The following ELL variants were observed in gnomAD, a reference collection of about 807,000 sequenced individuals.
The protein encoded by ELL is RNA polymerase II elongation factor ELL.
In ELL, 18 loss-of-function variants were observed where a neutral mutation model predicts 64.0. The observed-to-expected ratio is 0.28, with a 90% CI of 0.19 to 0.42. The LOEUF (loss-of-function observed/expected upper bound fraction) is 0.42, where lower values mean the gene tolerates loss of function less well. Among genes scored for constraint, ELL ranks in the 10% least tolerant of loss-of-function variants. ELL has a pLI of 1.00. For missense variants in ELL, 797 were observed against 870.4 expected (o/e 0.92, Z 1.06); for synonymous variants, 399 against 376.2 (o/e 1.06, Z -0.70).
rs1016722263 is a variant in ELL, at chr19:18,449,855, T to C, written c.1465+622A>G. The stretch of plus-strand genomic sequence containing the variant: ...CATGGCCACGGTGCTAGGCGGGTGC[T>C]ACTGCTGCTCAGTTTAGGTGCCTGG... On this transcript the variant is annotated intron_variant, in intron 8 of 11. Transcript: ENST00000262809. The surrounding 1 kb of genome is among the most constrained non-coding windows in gnomAD (Gnocchi z 4.4). Among the ~76,000 whole-genome samples the C allele has an allele frequency of 6.6e-6, 1 of 152,180 alleles. No homozygotes were observed. Among genetic ancestry groups the C allele is most frequent in the Non-Finnish European group, 1.5e-5 (1 of 68,016 alleles).
chr19:18,451,058 C>T (rs1479273490), intron 7 of ELL, 83 bp from the exon 8 acceptor site: 4 of 1,415,184 alleles, frequency 2.8e-6, no homozygotes, highest in Non-Finnish European at 3.7e-6. Context: ...GGCTAGAAAA[C>T]CCAACGCCGC....
At chr19:18,459,949 G>A (rs1169256597) in intron 5 of ELL, among the ~76,000 whole-genome samples, 1 of 152,166 alleles carries the variant, frequency 6.6e-6, no homozygotes, top group Non-Finnish European at 1.5e-5. Context: ...TCCTTCGACG[G>A]GATTCCCAGA....
chr19:18,444,953 CA>C, intron 11 of ELL, 85 bp from the exon 12 acceptor site: 6 of 1,441,086 alleles, frequency 4.2e-6, no homozygotes, highest in East Asian at 2.3e-5. Context: ...CCCCCCAAAC[CA>C]AAAACCTGGG....
chr19:18,496,705 C>T (rs1291419703), intron 1 of ELL, among the ~76,000 whole-genome samples: 1 of 152,186 alleles, frequency 6.6e-6, no homozygotes. Context: ...TCAGGTGGTG[C>T]GGACTGGGGG....
In ELL at chr19:18,443,949, A is replaced by G. The variant is rs150432082; in HGVS notation, c.*803T>C. On this transcript the variant is annotated 3_prime_UTR_variant, in exon 12 of 12. Coordinates refer to ENST00000262809, the MANE Select transcript of ELL (RefSeq NM_006532.4). Reference sequence around the variant, plus strand: ...TGGGAAACCGAGGACATCGCAAAGAAAAGTCTGACGCCGCTGCGGCCGAGT... The same window carrying G: ...TGGGAAACCGAGGACATCGCAAAGAGAAGTCTGACGCCGCTGCGGCCGAGT... The G allele has an allele frequency of 8.6e-6, 2 of 232,690 alleles. No homozygotes were observed. Among genetic ancestry groups the G allele is most frequent in the East Asian group, 1.2e-4 (2 of 16,494 alleles). 14.4% of individuals were successfully genotyped at this position (232,690 alleles called of 1,614,324 possible). A position where few individuals can be genotyped will look rare whatever the true frequency, so the allele number is the denominator to read the frequency against.
intron 8 of ELL, chr19:18,448,494 G>T (rs1297981634): frequency 6.6e-6 from 1 of 152,230 alleles, no homozygotes; most frequent in South Asian, 2.1e-4. Flanking sequence ...CCTTCCCAGG[G>T]ACGCAACTCA....
At chr19:18,499,532 G>C (rs556164132) in intron 1 of ELL, among the ~76,000 whole-genome samples, 3 of 152,238 alleles carry the variant, frequency 2.0e-5, no homozygotes, top group Non-Finnish European at 4.4e-5. Flanking sequence ...AAGGGGGCAA[G>C]GTCTCGGGCC....
Position 18,477,052 on chromosome 19 carries a change from G to A in ELL, c.136-4170C>T, listed in dbSNP as rs79007747. 6.2e-3 allele frequency among the ~76,000 whole-genome samples: 948 copies of A among 152,318 alleles called. 11 individuals are homozygous for A. Among genetic ancestry groups the A allele is most frequent in the Non-Finnish European group, 9.9e-3 (672 of 68,030 alleles). On this transcript the variant is annotated intron_variant, in intron 1 of 11. Transcript: ENST00000262809. ...GGGGAAAATGAGTCGGCACAAAGAC[G>A]TGGGAAGCACAGAGATGCCGACTGA...
At chr19:18,485,214 G>C (rs1159236468) in intron 1 of ELL, among the ~76,000 whole-genome samples, 3 of 152,176 alleles carry the variant, frequency 2.0e-5, no homozygotes, top group Non-Finnish European at 4.4e-5. Context: ...GAGCCCAGCA[G>C]AAGCGGCCCA....
chr19:18,464,488 CAT>C (rs1378873689), intron 4 of ELL, among the ~76,000 whole-genome samples: 3 of 117,998 alleles, frequency 2.5e-5, no homozygotes, highest in African/African-American at 1.4e-4. Context: ...GCTCCCTGGC[CAT>C]ACAACATGTC....
chr19:18,489,021 G>A (rs1024331422), intron 1 of ELL, among the ~76,000 whole-genome samples: 5 of 152,242 alleles, frequency 3.3e-5, no homozygotes, highest in African/African-American at 4.8e-5. Context: ...CCTGCAGGGG[G>A]TGTGGAGGAG....
chr19:18,484,825 C>A (rs11668704), intron 1 of ELL, among the ~76,000 whole-genome samples: 48,386 of 152,056 alleles, frequency 0.32, 9,653 homozygotes, highest in African/African-American at 0.57. Context: ...GAATTTTGAA[C>A]GGAAGGCCTT....
At chr19:18,452,496 G>A (rs1974561391) in intron 6 of ELL, among the ~76,000 whole-genome samples, 1 of 152,240 alleles carries the variant, frequency 6.6e-6, no homozygotes, top group Non-Finnish European at 1.5e-5. Flanking sequence ...CACTGGACAG[G>A]CAAGGCAGAG....
At chr19:18,470,259 G>C (rs1975037829) in intron 2 of ELL, among the ~76,000 whole-genome samples, 1 of 152,268 alleles carries the variant, frequency 6.6e-6, no homozygotes, top group African/African-American at 2.4e-5. Flanking sequence ...CTGCACGCAA[G>C]GACACCACTG....
chr19:18,508,410 T>G (rs577963961), intron 1 of ELL, among the ~76,000 whole-genome samples: 1 of 152,354 alleles, frequency 6.6e-6, no homozygotes, highest in South Asian at 2.1e-4. Flanking sequence ...GTTCAAGGTT[T>G]GACATCATCT....
intron 1 of ELL, among the ~76,000 whole-genome samples, chr19:18,515,456 G>A (rs1444966053): frequency 6.6e-6 from 1 of 152,252 alleles, no homozygotes; most frequent in Non-Finnish European, 1.5e-5. Flanking sequence ...TCCCAGCTGG[G>A]AGATCCTGCC....
At chr19:18,454,718 G>A (rs1974616824) in intron 6 of ELL, among the ~76,000 whole-genome samples, 1 of 150,998 alleles carries the variant, frequency 6.6e-6, no homozygotes, top group Non-Finnish European at 1.5e-5. Context: ...GCAGGCGCCT[G>A]TAATCCCAGC....
chr19:18,459,948 G>A (rs1022375151), intron 5 of ELL, among the ~76,000 whole-genome samples: 7 of 152,278 alleles, frequency 4.6e-5, no homozygotes, highest in South Asian at 2.1e-4. Context: ...TTCCTTCGAC[G>A]GGATTCCCAG....
chr19:18,521,207 T>C (rs1050957209), intron 1 of ELL, among the ~76,000 whole-genome samples: 2 of 151,532 alleles, frequency 1.3e-5, no homozygotes, highest in African/African-American at 4.9e-5. Flanking sequence ...CCCCAACACT[T>C]CCACTCTCCA....
Sources: allele counts gnomAD v4.1 joint callset (sites outside exome capture counted in the v4.1 genomes callset), GRCh38; gene constraint gnomAD v4.1.1; non-coding constraint Gnocchi (gnomAD v3.1); transcripts MANE v1.5; gene names NCBI Gene and HGNC (gene_info 2026-07-23, HGNC 2026-07-21).